The following FAM171A2 variants were observed in gnomAD, a reference collection of about 807,000 sequenced individuals.
FAM171A2 encodes family with sequence similarity 171 member A2, also known as protein FAM171A2.
A neutral mutation model predicts 34.2 loss-of-function variants in FAM171A2; 13 were observed. The ratio of observed to expected loss-of-function variants is 0.38; its 90% CI spans 0.25 to 0.60. The LOEUF (loss-of-function observed/expected upper bound fraction) is 0.60, where lower values mean the gene tolerates loss of function less well. FAM171A2 is among the 20% of genes least tolerant of loss of function. The pLI is 0.62. For synonymous variants in FAM171A2, 475 were observed against 561.2 expected, an observed-to-expected ratio of 0.85 and a Z score of 2.17; for missense variants, 950 against 1,180.7, an observed-to-expected ratio of 0.80 and a Z score of 2.86.
In FAM171A2 at chr17:44,354,232, C is replaced by G; in HGVS notation, c.1982G>C (p.Arg661Pro). ...AGAGTGGCGCACTTGCGAGTTGGAG[C>G]GCCCGTCGAGGGACACGAACCAGGC... ...PRAWFVSLDGRSNSQVRHSYI... is the reference protein window; with the variant it reads ...PRAWFVSLDGPSNSQVRHSYI... Residue 661 changes from arginine to proline, a missense_variant, in exon 8 of 8, where the codon CGC (arginine) becomes CCC (proline). This residue lies in a region of FAM171A2 where 752 missense variants were observed against 924.5 expected (regional missense o/e 0.81). Transcript: ENST00000293443. This position sits in a 1 kb window ranked among gnomAD's most constrained non-coding sequence, Gnocchi z 5.8. 1 of 1,453,462 alleles carries G rather than the reference C, an allele frequency of 6.9e-7. No homozygotes were observed. The highest frequency in any genetic ancestry group is 9.1e-7 in the Non-Finnish European group (1 of 1,094,786). 90.0% of individuals were successfully genotyped at this position (1,453,462 alleles called of 1,614,324 possible).
intron 3 of FAM171A2, among the ~76,000 whole-genome samples, chr17:44,358,399 G>A (rs188250848): frequency 6.6e-6 from 1 of 152,250 alleles, no homozygotes; most frequent in African/African-American, 2.4e-5. Context: ...GCAAACAAGA[G>A]CAGCTTGGTG....
In FAM171A2 at chr17:44,356,521, G is replaced by T. The variant is rs1305236293; in HGVS notation, c.507C>A (p.Tyr169Ter). 2.6e-6 allele frequency: 4 copies of T among 1,550,438 alleles called. No individual in the cohort carries two copies. The highest frequency in any genetic ancestry group is 3.5e-6 in the Non-Finnish European group (4 of 1,146,912). ...RAARLPVSST[Y>*]SQLWASLTPA... ...GCGTAAGTGACGCCCAGAGCTGGCT[G>T]TAGGTGGAGCTGACAGGCAGGCGGG... The change falls in exon 4 of 8, where the codon TAC becomes TAA. Residue 169 changes from tyrosine (Y) to a stop codon, truncating the protein, a stop_gained. Coordinates refer to ENST00000293443, the MANE Select transcript of FAM171A2 (RefSeq NM_198475.3). LOFTEE classifies it high-confidence loss of function.
chr17:44,360,253 A>G (rs1431725676), intron 1 of FAM171A2, 121 bp from the exon 2 acceptor site: 3 of 804,364 alleles, frequency 3.7e-6, no homozygotes, highest in Non-Finnish European at 3.9e-6. Flanking sequence ...AGGCTAGAGA[A>G]GGCATGATTT....
In FAM171A2 at chr17:44,356,555, C is replaced by T. The variant is rs1209549723; in HGVS notation, c.473G>A (p.Arg158His). The T allele has an allele frequency of 1.7e-5, 27 of 1,547,626 alleles. No individual in the cohort carries two copies. The East Asian group carries it at 2.9e-4, about 17-fold the overall frequency. The change falls in exon 4 of 8, where the codon CGC becomes CAC. Residue 158 changes from arginine (R) to histidine (H), a missense_variant. Around this residue, in one of 3 missense-constraint regions of FAM171A2, gnomAD observed 752 missense variants for 924.5 expected, o/e 0.81. Transcript: ENST00000293443. ...GCTGACAGGCAGGCGGGCAGCCCGG[C>T]GCTGGAACTGCACCAAGGGCTGGGA... ...ARSQPLVQFQ[R>H]RAARLPVSST...
Position 44,353,959 on chromosome 17 carries a change from A to C in FAM171A2, c.2255T>G (p.Leu752Arg). The C allele has an allele frequency of 7.7e-7, 1 of 1,292,972 alleles. No individual in the cohort carries two copies. The highest frequency in any genetic ancestry group is 9.8e-7 in the Non-Finnish European group (1 of 1,024,706). The allele number at this position is 1,292,972 out of a possible 1,614,324, so 80.1% of individuals were successfully genotyped here. A position where few individuals can be genotyped will look rare whatever the true frequency, so the allele number is the denominator to read the frequency against. Residue 752 changes from leucine (L) to arginine (R), a missense_variant, in exon 8 of 8, where the codon CTG becomes CGG. By Grantham distance (102) the Leu-to-Arg change is moderately radical. Transcript: ENST00000293443. ...CTCGGGCGCCGCCACCTCGTCCAGC[A>C]GCGGCGTCAGCGAGTTGTCCTCCGG... ...CSPEDNSLTP[L>R]LDEVAAPEGR...
Position 44,355,265 on chromosome 17 carries a change from G to C in FAM171A2, c.1023-74C>G. On this transcript the variant is annotated intron_variant, in intron 7 of 7. Coordinates refer to ENST00000293443, the MANE Select transcript of FAM171A2 (RefSeq NM_198475.3). The surrounding 1 kb of genome is among the most constrained non-coding windows in gnomAD (Gnocchi z 4.1). ...AAGTAGGCCCCGAACCCCCTTAGATGCAAGACAAGAGACGAATATAGTGGA... is the reference window on the plus strand; with the variant it reads ...AAGTAGGCCCCGAACCCCCTTAGATCCAAGACAAGAGACGAATATAGTGGA... 5 of 1,516,594 alleles carry C rather than the reference G, an allele frequency of 3.3e-6. No individual in the cohort carries two copies. The highest frequency in any genetic ancestry group is 4.4e-6 in the Non-Finnish European group (5 of 1,135,014). The allele number at this position is 1,516,594 out of a possible 1,614,324, so 93.9% of individuals were successfully genotyped here.
chr17:44,359,780 G>T, intron 2 of FAM171A2, 109 bp from the exon 3 acceptor site: 1 of 1,332,450 alleles, frequency 7.5e-7, no homozygotes, highest in Non-Finnish European at 1.0e-6. Context: ...AGCCCCCTCT[G>T]TGTACCCCAG....
chr17:44,354,832 C>G lies in FAM171A2; in HGVS notation c.1382G>C (p.Arg461Pro). The change falls in exon 8 of 8, where the codon CGG becomes CCG. Residue 461 changes from arginine (R) to proline (P), a missense_variant. Arg to Pro is a moderately radical substitution (Grantham distance 103). Around this residue, in one of 3 missense-constraint regions of FAM171A2, gnomAD observed 752 missense variants for 924.5 expected, o/e 0.81. Coordinates refer to ENST00000293443, the MANE Select transcript of FAM171A2 (RefSeq NM_198475.3). This position sits in a 1 kb window ranked among gnomAD's most constrained non-coding sequence, Gnocchi z 5.8. ...GGCCGCAGCCCCCGAGGGCCCCCGC[C>G]GGTGCTCCTCTAGGCCGGGCTCCAG... ...GGLEPGLEEH[R>P]RGPSGAAAFL... The G allele has an allele frequency of 7.8e-7, 1 of 1,280,390 alleles. No individual in the cohort carries two copies. Among genetic ancestry groups the G allele is most frequent in the Non-Finnish European group, 9.9e-7 (1 of 1,014,886 alleles). The allele number at this position is 1,280,390 out of a possible 1,614,324, so 79.3% of individuals were successfully genotyped here.
chr17:44,357,608 T>C (rs755017978), intron 3 of FAM171A2, among the ~76,000 whole-genome samples: 2 of 152,070 alleles, frequency 1.3e-5, no homozygotes, highest in Non-Finnish European at 2.9e-5. Flanking sequence ...GATCATGCCA[T>C]TGTACTCCAG....
At chr17:44,363,028 G>C (rs2143390193) in intron 1 of FAM171A2, among the ~76,000 whole-genome samples, 1 of 152,312 alleles carries the variant, frequency 6.6e-6, no homozygotes, top group East Asian at 1.9e-4. Context: ...TAAACCAGGG[G>C]GGCTGGCTGG....
At position 44,354,951 on chromosome 17, in the gene FAM171A2, G is replaced by A. The variant is rs1296945853; in HGVS notation, c.1263C>T (p.Arg421=). 6.9e-7 allele frequency: 1 copy of A among 1,447,312 alleles called. No individual in the cohort carries two copies. The highest frequency in any genetic ancestry group is 2.9e-5 in the Admixed American group (1 of 34,000). The allele number at this position is 1,447,312 out of a possible 1,614,324, so 89.7% of individuals were successfully genotyped here. ...GCTCGGCGGCCGGGCGGCTGGCAGA[G>A]CGCGGCTTGGTGCGGAAGAAGTCAT... The part of the protein sequence containing the change: ...SRDDFFRTKP[R]SASRPAAEPS... The change falls in exon 8 of 8, where the codon CGC becomes CGT. Residue 421 remains arginine (R), a synonymous_variant. Transcript: ENST00000293443. The surrounding 1 kb of genome is among the most constrained non-coding windows in gnomAD (Gnocchi z 5.8).
In FAM171A2 at chr17:44,356,265, C is replaced by A. The variant is rs1003475176; in HGVS notation, c.686G>T (p.Gly229Val). 1.5e-5 allele frequency: 23 copies of A among 1,551,388 alleles called. No homozygotes were observed. Among genetic ancestry groups the A allele is most frequent in the Non-Finnish European group, 1.9e-5 (22 of 1,146,878 alleles). The change falls in exon 5 of 8, where the codon GGC becomes GTC. Residue 229 changes from glycine to valine, a missense_variant. By Grantham distance (109) the Gly-to-Val change is moderately radical (BLOSUM62 -3). This residue lies in a region of FAM171A2 where 752 missense variants were observed against 924.5 expected (regional missense o/e 0.81). Coordinates refer to ENST00000293443, the MANE Select transcript of FAM171A2 (RefSeq NM_198475.3). ...TGNGTEVPLSGPIHLSLPVPS... is the reference protein window; with the variant it reads ...TGNGTEVPLSVPIHLSLPVPS... ...CACGGGCAGGGACAGGTGAATGGGG[C>A]CTGAGAGCGGCACCTCTGTCCCATT...
At position 44,360,132 on chromosome 17, in the gene FAM171A2, T is replaced by G. The variant is rs2048442425; in HGVS notation, c.119A>C (p.Glu40Ala). ...KSPPEPPSPQ[E>A]ILIKVQVYVS... ...ATACACCTGCACCTTGATCAGGATC[T>G]CTGTGGGCAAGATGGGGCAAAGGGA... The change falls in exon 2 of 8, where the codon GAG (glutamate) becomes GCG (alanine). Residue 40 changes from glutamate to alanine, a missense_variant and splice_region_variant. Transcript: ENST00000293443. 2.6e-6 allele frequency: 4 copies of G among 1,550,720 alleles called. No individual in the cohort carries two copies. The South Asian group carries it at 3.6e-5, about 14-fold the overall frequency.
rs2048414973 is a variant in FAM171A2 at position 44,354,990 on chromosome 17, C to G, written c.1224G>C (p.Leu408Phe). The change falls in exon 8 of 8, where the codon TTG becomes TTC. Residue 408 changes from leucine to phenylalanine, a missense_variant. Leu to Phe is a conservative substitution (Grantham distance 22). Coordinates refer to ENST00000293443, the MANE Select transcript of FAM171A2 (RefSeq NM_198475.3). This position sits in a 1 kb window ranked among gnomAD's most constrained non-coding sequence, Gnocchi z 5.8. ...GGAAGAAGTCATCCCGGGAGGAGGC[C>G]AAGTCCCGGGAGCTGGAGAAGGCCG... ...LHSAFSSSRD[L>F]ASSRDDFFRT... 2.0e-6 allele frequency: 3 copies of G among 1,488,660 alleles called. No homozygotes were observed. The highest frequency in any genetic ancestry group is 2.7e-6 in the Non-Finnish European group (3 of 1,121,414). The allele number at this position is 1,488,660 out of a possible 1,614,324, so 92.2% of individuals were successfully genotyped here.
In FAM171A2 at chr17:44,353,323, G is replaced by A. The variant is rs558015094; in HGVS notation, c.*410C>T. On this transcript the variant is annotated 3_prime_UTR_variant, in exon 8 of 8. Coordinates refer to ENST00000293443, the MANE Select transcript of FAM171A2 (RefSeq NM_198475.3). ...CAGCCCTGTGACATCGTAGCCCAGAGATGGGCTAGTCAGCAAGCAGCACCC... is the reference window on the plus strand; with the variant it reads ...CAGCCCTGTGACATCGTAGCCCAGAAATGGGCTAGTCAGCAAGCAGCACCC... The A allele has an allele frequency of 5.8e-4, 106 of 181,780 alleles. 1 individual carries two copies. Among genetic ancestry groups the A allele is most frequent in the African/African-American group, 2.2e-3 (91 of 42,228 alleles). The allele number at this position is 181,780 out of a possible 1,614,324, so 11.3% of individuals were successfully genotyped here.
intron 1 of FAM171A2, among the ~76,000 whole-genome samples, chr17:44,363,290 C>G (rs1466942653): frequency 6.6e-6 from 1 of 152,144 alleles, no homozygotes; most frequent in Non-Finnish European, 1.5e-5. Context: ...TAGACAATGG[C>G]TCAGGCAGCA....
chr17:44,363,547 G>T, intron 1 of FAM171A2, 50 bp downstream of exon 1: 2 of 923,786 alleles, frequency 2.2e-6, no homozygotes, highest in South Asian at 5.5e-5. Flanking sequence ...GCGGGAGCCT[G>T]ATCAGGGGGC....
At chr17:44,361,436 C>T (rs2048447381) in intron 1 of FAM171A2, among the ~76,000 whole-genome samples, 1 of 152,102 alleles carries the variant, frequency 6.6e-6, no homozygotes, top group South Asian at 2.1e-4. Flanking sequence ...GAGCTGAGAG[C>T]AGCAGGGCCT....
Position 44,353,314 on chromosome 17 carries a change from T to C in FAM171A2, c.*419A>G, listed in dbSNP as rs1213962700. On this transcript the variant is annotated 3_prime_UTR_variant, in exon 8 of 8. Coordinates refer to ENST00000293443, the MANE Select transcript of FAM171A2 (RefSeq NM_198475.3). Reference sequence around the variant, plus strand: ...CCCAGCCACCAGCCCTGTGACATCGTAGCCCAGAGATGGGCTAGTCAGCAA... The same window carrying C: ...CCCAGCCACCAGCCCTGTGACATCGCAGCCCAGAGATGGGCTAGTCAGCAA... 1 of 182,634 alleles carries C rather than the reference T, an allele frequency of 5.5e-6. No homozygotes were observed. Among genetic ancestry groups the C allele is most frequent in the East Asian group, 1.5e-4 (1 of 6,676 alleles). The allele number at this position is 182,634 out of a possible 1,614,324, so 11.3% of individuals were successfully genotyped here. A position where few individuals can be genotyped will look rare whatever the true frequency, so the allele number is the denominator to read the frequency against.
Sources: gnomAD v4.1 joint callset for allele counts (sites outside exome capture counted in the v4.1 genomes callset) on GRCh38, gnomAD v4.1.1 for gene constraint, gnomAD v4.1.1 regional missense constraint, Gnocchi (gnomAD v3.1) non-coding constraint, MANE v1.5 for transcripts, NCBI Gene and HGNC (gene_info 2026-07-23, HGNC 2026-07-21) for gene names.